PTPRR: variants seen among roughly 807,000 people sequenced by gnomAD.
The protein encoded by PTPRR is receptor-type tyrosine-protein phosphatase R.
PTPRR carries 38 observed loss-of-function variants against 77.2 expected under a neutral mutation model. The ratio of observed to expected loss-of-function variants is 0.49; its 90% confidence interval spans 0.38 to 0.65. The LOEUF is 0.65. Ranked by LOEUF, PTPRR falls within the 30% of genes least tolerant of loss-of-function variation. The pLI, the probability that PTPRR is intolerant of heterozygous loss-of-function variation, is 0.00. For synonymous variants in PTPRR, 299 were observed against 283.1 expected (o/e 1.06, Z -0.57); for missense variants, 744 against 799.2 (o/e 0.93, Z 0.83).
At chr12:70,814,356 C>G (rs749880611) in intron 2 of PTPRR, among the ~76,000 whole-genome samples, 196 of 152,178 alleles carry the variant, frequency 1.3e-3, no homozygotes, top group Non-Finnish European at 2.4e-3. Context: ...TCACCTTGGG[C>G]GATTTTGTTC....
At chr12:70,673,793 G>GT (rs1343960968) in intron 10 of PTPRR, among the ~76,000 whole-genome samples, 7 of 152,100 alleles carry the variant, frequency 4.6e-5, no homozygotes, top group Non-Finnish European at 1.0e-4. Flanking sequence ...GCATGAAGTT[G>GT]TTCATAGTGT....
At chr12:70,745,035 C>CA (rs1429328608) in intron 6 of PTPRR, among the ~76,000 whole-genome samples, 3 of 151,562 alleles carry the variant, frequency 2.0e-5, no homozygotes, top group East Asian at 3.9e-4. Flanking sequence ...TAATACATCA[C>CA]AAAAAAGGTA....
chr12:70,835,171 A>T (rs1892278922), intron 2 of PTPRR, among the ~76,000 whole-genome samples: 1 of 152,134 alleles, frequency 6.6e-6, no homozygotes, highest in Non-Finnish European at 1.5e-5. Flanking sequence ...TTAAGAAGGT[A>T]TTGTAGGTTT....
At chr12:70,802,141 G>A (rs1891627939) in intron 2 of PTPRR, among the ~76,000 whole-genome samples, 2 of 152,088 alleles carry the variant, frequency 1.3e-5, no homozygotes, top group African/African-American at 4.8e-5. Flanking sequence ...AAGAAAAAAT[G>A]TTAGATCATA....
chr12:70,754,478 A>G (rs969877395), intron 4 of PTPRR, 177 bp from the exon 5 acceptor site: 4 of 1,558,044 alleles, frequency 2.6e-6, no homozygotes, highest in Non-Finnish European at 3.4e-6. Context: ...TGCCATCCTT[A>G]TATATCGAGA....
chr12:70,864,188 C>T (rs1892801826), intron 2 of PTPRR, among the ~76,000 whole-genome samples: 1 of 152,180 alleles, frequency 6.6e-6, no homozygotes, highest in Non-Finnish European at 1.5e-5. Flanking sequence ...AGACTGGCAA[C>T]CAGTCCCTAA....
At chr12:70,643,935 G>A (rs1262384559) in intron 13 of PTPRR, among the ~76,000 whole-genome samples, 2 of 151,968 alleles carry the variant, frequency 1.3e-5, no homozygotes, top group Non-Finnish European at 2.9e-5. Context: ...ATTGCAAACA[G>A]AAGTGAAACT....
At chr12:70,727,111 T>C (rs1307779490) in intron 6 of PTPRR, among the ~76,000 whole-genome samples, 2 of 152,178 alleles carry the variant, frequency 1.3e-5, no homozygotes, top group Admixed American at 6.6e-5. Flanking sequence ...ATTGTCAGAC[T>C]TCGGTATCGT....
chr12:70,703,252 A>C (rs1454280606), intron 6 of PTPRR, among the ~76,000 whole-genome samples: 1 of 152,230 alleles, frequency 6.6e-6, no homozygotes, highest in African/African-American at 2.4e-5. Flanking sequence ...TGGCTTTAAA[A>C]AATGAATATT....
In PTPRR at chr12:70,672,666, C is replaced by A. The variant is rs541990980; in HGVS notation, c.1498-10061G>T. On this transcript the variant is annotated intron_variant, in intron 10 of 13. Coordinates refer to ENST00000283228, the MANE Select transcript of PTPRR (RefSeq NM_002849.4). ...AAGTGGTCCAGAGCAACAACACCAA[C>A]CAGATGGTGGTCAAGACAGAGGAGC... is the stretch of plus-strand genomic sequence containing the variant. The A allele has an allele frequency of 1.3e-4, 199 of 1,546,158 alleles. 1 individual carries two copies. In the African/African-American group the frequency reaches 2.6e-3, roughly 20 times the overall value.
At chr12:70,806,516 C>T (rs1891711970) in intron 2 of PTPRR, among the ~76,000 whole-genome samples, 1 of 152,148 alleles carries the variant, frequency 6.6e-6, no homozygotes, top group South Asian at 2.1e-4. Context: ...TGGGAAACTA[C>T]TGAAAGTTAA....
chr12:70,657,259 G>A (rs759288130), intron 12 of PTPRR, among the ~76,000 whole-genome samples: 6 of 152,134 alleles, frequency 3.9e-5, no homozygotes, highest in Non-Finnish European at 5.9e-5. Flanking sequence ...GTGCATGCTG[G>A]AATAGGGTGA....
chr12:70,793,269 T>C (rs1157186256), intron 2 of PTPRR, among the ~76,000 whole-genome samples: 1 of 152,206 alleles, frequency 6.6e-6, no homozygotes, highest in African/African-American at 2.4e-5. Context: ...GGAATCAGAA[T>C]CATGCTCAGA....
chr12:70,726,873 C>T (rs7136787), intron 6 of PTPRR, among the ~76,000 whole-genome samples: 122,127 of 152,102 alleles, frequency 0.8, 49,713 homozygotes, highest in East Asian at 1. Context: ...TGAGCCACCA[C>T]GCCTGGCTGC....
chr12:70,872,694 CAAAAAAAAAA>C (rs377557224), intron 2 of PTPRR, among the ~76,000 whole-genome samples: 3 of 43,440 alleles, frequency 6.9e-5, no homozygotes, highest in Non-Finnish European at 1.1e-4. Context: ...GACTCTGTCT[CAAAAAAAAAA>C]AAAAAAAAAA....
chr12:70,860,831 G>A (rs1291410340), intron 2 of PTPRR, among the ~76,000 whole-genome samples: 1 of 152,122 alleles, frequency 6.6e-6, no homozygotes, highest in Admixed American at 6.6e-5. Context: ...TGTGTCATAT[G>A]TGTGCTAGGC....
At chr12:70,791,533 C>T (rs1891421912) in intron 2 of PTPRR, among the ~76,000 whole-genome samples, 1 of 152,004 alleles carries the variant, frequency 6.6e-6, no homozygotes, top group African/African-American at 2.4e-5. Context: ...GTATTATATT[C>T]TGTTCCTATT....
intron 2 of PTPRR, among the ~76,000 whole-genome samples, chr12:70,789,599 G>A (rs1446145954): frequency 6.6e-6 from 1 of 151,860 alleles, no homozygotes; most frequent in Non-Finnish European, 1.5e-5. Context: ...GATAACTGTT[G>A]TAATTATTAT....
chr12:70,668,340 C>T (rs1391341328), intron 10 of PTPRR, among the ~76,000 whole-genome samples: 1 of 152,020 alleles, frequency 6.6e-6, no homozygotes, highest in African/African-American at 2.4e-5. Flanking sequence ...GGGCAAGTTG[C>T]CTTCCTGTGC....
Sources: gnomAD v4.1 joint callset for allele counts (sites outside exome capture counted in the v4.1 genomes callset) on GRCh38, gnomAD v4.1.1 for gene constraint, MANE v1.5 for transcripts, NCBI Gene and HGNC (gene_info 2026-07-23, HGNC 2026-07-21) for gene names.